The following ARHGEF26 variants were observed in gnomAD, a reference collection of about 807,000 sequenced individuals.
ARHGEF26 encodes the protein Rho guanine nucleotide exchange factor (GEF) 26.
A neutral mutation model predicts 89.4 loss-of-function variants in ARHGEF26; 59 were observed. The ratio of observed to expected loss-of-function variants is 0.66; its 90% CI spans 0.54 to 0.82. The LOEUF is 0.82. Ranked by LOEUF, ARHGEF26 falls within the 40% of genes least tolerant of loss-of-function variation. The pLI, the probability that ARHGEF26 is intolerant of heterozygous loss-of-function variation, is 0.00. For synonymous variants in ARHGEF26, 500 were observed against 428.4 expected, an observed-to-expected ratio of 1.17 and a Z score of -2.06; for missense variants, 1,234 against 1,085.6, an observed-to-expected ratio of 1.14 and a Z score of -1.92.
chr3:154,172,358 T>C (rs1712503668), intron 6 of ARHGEF26, among the ~76,000 whole-genome samples: 1 of 152,194 alleles, frequency 6.6e-6, no homozygotes, highest in Non-Finnish European at 1.5e-5. Context: ...GTTTTCAGAA[T>C]GTGGAAAGCA....
chr3:154,207,095 A>G (rs186166222), intron 9 of ARHGEF26, among the ~76,000 whole-genome samples: 21 of 152,214 alleles, frequency 1.4e-4, no homozygotes, highest in Admixed American at 1.3e-3. Flanking sequence ...TTCTTATACC[A>G]TATACAAAAA....
chr3:154,237,468 G>T (rs183713198), intron 11 of ARHGEF26, among the ~76,000 whole-genome samples: 73 of 151,772 alleles, frequency 4.8e-4, no homozygotes, highest in African/African-American at 1.6e-3. Flanking sequence ...CTTAAACCTG[G>T]CAGGCGGAGG....
intron 11 of ARHGEF26, among the ~76,000 whole-genome samples, chr3:154,226,713 T>G (rs2108262599): frequency 6.8e-6 from 1 of 147,476 alleles, no homozygotes; most frequent in East Asian, 2.0e-4. Flanking sequence ...AGCTCTGCCT[T>G]TCTCTAGGGA....
rs765741654 is a variant in ARHGEF26, at chr3:154,225,878, C to T, written c.1958C>T (p.Ser653Phe). 5.6e-6 allele frequency: 9 copies of T among 1,609,078 alleles called. No homozygotes were observed. In the Admixed American group the frequency reaches 1.5e-4, roughly 27 times the overall value. The change falls in exon 11 of 15, where the codon TCC becomes TTC. Residue 653 changes from serine (S) to phenylalanine (F), a missense_variant. By Grantham distance (155) the Ser-to-Phe change is radical. Coordinates refer to ENST00000465093, the MANE Select transcript of ARHGEF26 (RefSeq NM_015595.4). ...KIKPFPLVSS[S>F]RWLVKRGELT... Reference sequence around the variant, plus strand: ...TAGCCTTTTCCTTTAGTCTCCTCTTCCCGGTGGTTGGTAAAAAGAGGTGAA... The same window carrying T: ...TAGCCTTTTCCTTTAGTCTCCTCTTTCCGGTGGTTGGTAAAAAGAGGTGAA...
chr3:154,220,679 G>T (rs1323793157), intron 10 of ARHGEF26, among the ~76,000 whole-genome samples: 1 of 152,098 alleles, frequency 6.6e-6, no homozygotes, highest in African/African-American at 2.4e-5. Flanking sequence ...GAGGTCATTT[G>T]GGAGCCACCG....
intron 4 of ARHGEF26, among the ~76,000 whole-genome samples, chr3:154,130,505 T>C (rs1718622968): frequency 6.6e-6 from 1 of 152,216 alleles, no homozygotes; most frequent in African/African-American, 2.4e-5. Flanking sequence ...TAATGAATGA[T>C]ATTCTGTTCC....
intron 4 of ARHGEF26, among the ~76,000 whole-genome samples, chr3:154,147,724 G>T (rs1302419656): frequency 6.6e-6 from 1 of 152,140 alleles, no homozygotes; most frequent in East Asian, 1.9e-4. Flanking sequence ...GTCTGAATTT[G>T]AGAATTTTCA....
At chr3:154,128,340 C>T (rs773375807) in intron 3 of ARHGEF26, among the ~76,000 whole-genome samples, 1 of 152,050 alleles carries the variant, frequency 6.6e-6, no homozygotes, top group Non-Finnish European at 1.5e-5. Flanking sequence ...CAGGTTCAAG[C>T]AGTTCTTCTG....
chr3:154,144,562 A>C (rs758558090), intron 4 of ARHGEF26, among the ~76,000 whole-genome samples: 3 of 152,216 alleles, frequency 2.0e-5, no homozygotes, highest in Non-Finnish European at 4.4e-5. Context: ...ACAGCAGTTC[A>C]TTCTTGTGCA....
At chr3:154,207,771 G>A (rs759964634) in intron 9 of ARHGEF26, among the ~76,000 whole-genome samples, 4 of 152,062 alleles carry the variant, frequency 2.6e-5, no homozygotes, top group African/African-American at 4.8e-5. Context: ...AATAGGAATC[G>A]TTCTGTTATA....
intron 12 of ARHGEF26, among the ~76,000 whole-genome samples, chr3:154,250,339 C>T (rs1180409606): frequency 1.3e-5 from 2 of 151,880 alleles, no homozygotes; most frequent in Non-Finnish European, 2.9e-5. Context: ...TTGGCAGACT[C>T]TTGAAAGCCC....
intron 7 of ARHGEF26, 23 bp from the exon 8 acceptor site, chr3:154,191,266 C>T (rs985626111): frequency 2.5e-6 from 4 of 1,584,094 alleles, no homozygotes; most frequent in Non-Finnish European, 2.6e-6. Context: ...TTTGAAGTTT[C>T]TCTTTTCTTT....
At chr3:154,193,904 G>A (rs149161483) in intron 8 of ARHGEF26, among the ~76,000 whole-genome samples, 35 of 151,334 alleles carry the variant, frequency 2.3e-4, no homozygotes, top group African/African-American at 6.3e-4. Flanking sequence ...GTGCGATCTC[G>A]GCTCGCTGCA....
At chr3:154,252,929 G>GACTA (rs1718247032) in intron 12 of ARHGEF26, among the ~76,000 whole-genome samples, 187 bp from the exon 13 acceptor site, 1 of 152,110 alleles carries the variant, frequency 6.6e-6, no homozygotes, top group Non-Finnish European at 1.5e-5. Flanking sequence ...TGACAATGAT[G>GACTA]ACTAGTCTCC....
intron 4 of ARHGEF26, among the ~76,000 whole-genome samples, chr3:154,136,070 G>A (rs1325412313): frequency 6.6e-6 from 1 of 152,122 alleles, no homozygotes; most frequent in East Asian, 1.9e-4. Context: ...TCTCTGTTCA[G>A]CACCTAATAG....
At chr3:154,149,534 G>T in intron 5 of ARHGEF26, 89 bp downstream of exon 5, 1 of 1,076,034 alleles carries the variant, frequency 9.3e-7, no homozygotes. Flanking sequence ...GTGTGCACTT[G>T]TTTAGTGTTG....
At chr3:154,147,230 C>T (rs778671164) in intron 4 of ARHGEF26, among the ~76,000 whole-genome samples, 1 of 152,142 alleles carries the variant, frequency 6.6e-6, no homozygotes, top group Non-Finnish European at 1.5e-5. Context: ...CATGGTGAAA[C>T]CCCCTCTCCA....
At chr3:154,160,538 C>T (rs1189276423) in intron 6 of ARHGEF26, among the ~76,000 whole-genome samples, 1 of 152,028 alleles carries the variant, frequency 6.6e-6, no homozygotes. Flanking sequence ...GAGACAACAG[C>T]TACAATATTT....
chr3:154,198,061 G>A (rs1055149130), intron 9 of ARHGEF26, among the ~76,000 whole-genome samples: 5 of 151,984 alleles, frequency 3.3e-5, no homozygotes, highest in South Asian at 4.1e-4. Flanking sequence ...TAATCTTTTC[G>A]TATAACGTAT....
Sources: gnomAD v4.1 joint callset for allele counts (sites outside exome capture counted in the v4.1 genomes callset) on GRCh38, gnomAD v4.1.1 for gene constraint, MANE v1.5 for transcripts, NCBI Gene and HGNC (gene_info 2026-07-23, HGNC 2026-07-21) for gene names.